Variants in PPP3CA observed in about 807,000 individuals in gnomAD.
The protein encoded by PPP3CA is protein phosphatase 3 catalytic subunit alpha, also known as CAM-PRP catalytic subunit.
A neutral mutation model predicts 66.5 loss-of-function variants in PPP3CA; 14 were observed. The observed-to-expected ratio is 0.21, with a 90% CI of 0.14 to 0.33. The LOEUF is 0.33. PPP3CA is among the 10% of genes least tolerant of loss of function. PPP3CA has a pLI of 1.00. For synonymous variants in PPP3CA, 232 were observed against 226.2 expected (o/e 1.03, Z -0.23); for missense variants, 317 against 639.5 (o/e 0.50, Z 5.44).
intron 1 of PPP3CA, 95 bp from the exon 2 acceptor site, chr4:101,196,211 A>AT: frequency 9.0e-7 from 1 of 1,112,830 alleles, no homozygotes; most frequent in Non-Finnish European, 1.3e-6. Flanking sequence ...TCACAAACCA[A>AT]CTAATATAAT....
intron 1 of PPP3CA, among the ~76,000 whole-genome samples, chr4:101,309,955 C>T (rs1218737509): frequency 2.0e-5 from 3 of 152,114 alleles, no homozygotes; most frequent in Non-Finnish European, 4.4e-5. Flanking sequence ...ATTCCGTGTC[C>T]TAGAAAGCTT....
At chr4:101,243,635 T>C (rs543842302) in intron 1 of PPP3CA, among the ~76,000 whole-genome samples, 19 of 152,330 alleles carry the variant, frequency 1.2e-4, no homozygotes, top group Non-Finnish European at 2.1e-4. Flanking sequence ...TATCCACAGG[T>C]TACATGCAAA....
intron 9 of PPP3CA, among the ~76,000 whole-genome samples, chr4:101,061,568 T>C (rs1194258128): frequency 6.6e-6 from 1 of 152,150 alleles, no homozygotes; most frequent in Non-Finnish European, 1.5e-5. Context: ...CTTATATTTT[T>C]AATCACCTAG....
At chr4:101,053,712 C>T (rs1728105906) in intron 10 of PPP3CA, among the ~76,000 whole-genome samples, 1 of 152,002 alleles carries the variant, frequency 6.6e-6, no homozygotes, top group Non-Finnish European at 1.5e-5. Flanking sequence ...TGACTTTTTC[C>T]ATAAATGTTA....
intron 1 of PPP3CA, among the ~76,000 whole-genome samples, chr4:101,322,017 A>G (rs1001178325): frequency 2.6e-5 from 4 of 152,154 alleles, no homozygotes; most frequent in South Asian, 2.1e-4. Context: ...GTCCTTTAAC[A>G]CTTCTGCCCC....
intron 2 of PPP3CA, among the ~76,000 whole-genome samples, chr4:101,116,993 C>G (rs1721856385): frequency 6.6e-6 from 1 of 151,282 alleles, no homozygotes; most frequent in South Asian, 2.1e-4. Flanking sequence ...TATGAAATTG[C>G]AAGGATTTTA....
At chr4:101,176,899 C>T (rs1214583260) in intron 2 of PPP3CA, among the ~76,000 whole-genome samples, 2 of 152,208 alleles carry the variant, frequency 1.3e-5, no homozygotes, top group East Asian at 1.9e-4. Context: ...AATCCATTCC[C>T]TTTTCACCAT....
intron 8 of PPP3CA, among the ~76,000 whole-genome samples, chr4:101,075,029 C>T (rs914588717): frequency 4.6e-5 from 7 of 152,158 alleles, no homozygotes; most frequent in South Asian, 2.1e-4. Flanking sequence ...AGAGAGCTTG[C>T]GCAGGGGAAC....
At chr4:101,272,956 G>A (rs115237695) in intron 1 of PPP3CA, among the ~76,000 whole-genome samples, 1,941 of 152,298 alleles carry the variant, frequency 0.013, 32 homozygotes, top group African/African-American at 0.043. Flanking sequence ...ACTAAAGCAG[G>A]AAGGGAGCAG....
chr4:101,334,914 C>G (rs546716020), intron 1 of PPP3CA, among the ~76,000 whole-genome samples: 1 of 152,202 alleles, frequency 6.6e-6, no homozygotes, highest in South Asian at 2.1e-4. Flanking sequence ...CAGGGAAATA[C>G]ACACATATGT....
At chr4:101,334,528 T>C (rs906722947) in intron 1 of PPP3CA, among the ~76,000 whole-genome samples, 2 of 152,188 alleles carry the variant, frequency 1.3e-5, no homozygotes, top group African/African-American at 4.8e-5. Context: ...AGGATTTTTT[T>C]CCTAGATTCA....
At chr4:101,184,938 C>T (rs1007850345) in intron 2 of PPP3CA, among the ~76,000 whole-genome samples, 2 of 152,018 alleles carry the variant, frequency 1.3e-5, no homozygotes, top group African/African-American at 2.4e-5. Flanking sequence ...GGGGGAGCTG[C>T]GGCAGTCCCA....
At chr4:101,271,976 C>T (rs1257487518) in intron 1 of PPP3CA, among the ~76,000 whole-genome samples, 2 of 152,138 alleles carry the variant, frequency 1.3e-5, no homozygotes, top group Non-Finnish European at 2.9e-5. Context: ...AATCATTATA[C>T]TATAACAAGA....
chr4:101,343,497 T>C (rs1414227902), intron 1 of PPP3CA, among the ~76,000 whole-genome samples: 1 of 152,178 alleles, frequency 6.6e-6, no homozygotes, highest in East Asian at 1.9e-4. Flanking sequence ...GTTTGCTGTA[T>C]GTATCTTTAA....
intron 1 of PPP3CA, among the ~76,000 whole-genome samples, chr4:101,211,746 T>C (rs1217424365): frequency 6.6e-6 from 1 of 152,184 alleles, no homozygotes; most frequent in Non-Finnish European, 1.5e-5. Flanking sequence ...GTGATTTTGT[T>C]TAAAATGTGC....
intron 2 of PPP3CA, among the ~76,000 whole-genome samples, chr4:101,126,849 C>A (rs1437846414): frequency 6.6e-6 from 1 of 152,118 alleles, no homozygotes; most frequent in Non-Finnish European, 1.5e-5. Context: ...CTACAATCTA[C>A]AATGCTGTTT....
In PPP3CA at chr4:101,237,700, A is replaced by G. The variant is rs79645471; in HGVS notation, c.59-41584T>C. On this transcript the variant is annotated intron_variant, in intron 1 of 13. Transcript: ENST00000394854. ...TTCTTGAACGAACAGAGCATATCTG[A>G]TTTTGTTTAGCATGGTGTCCCCAGC... 2.3e-3 allele frequency among the ~76,000 whole-genome samples: 350 copies of G among 152,138 alleles called. 1 individual carries two copies. The Middle Eastern group carries it at 0.037, about 16-fold the overall frequency.
intron 1 of PPP3CA, among the ~76,000 whole-genome samples, chr4:101,282,480 C>T (rs760652355): frequency 2.0e-5 from 3 of 152,150 alleles, no homozygotes; most frequent in East Asian, 1.9e-4. Context: ...TAAATGACAG[C>T]GCAGTCAGCA....
At chr4:101,051,496 T>C (rs1170103603) in intron 10 of PPP3CA, among the ~76,000 whole-genome samples, 1 of 152,102 alleles carries the variant, frequency 6.6e-6, no homozygotes, top group Non-Finnish European at 1.5e-5. Context: ...GTTTGAAAAA[T>C]AAAGTTTATT....
Sources: gnomAD v4.1 joint callset for allele counts (sites outside exome capture counted in the v4.1 genomes callset) on GRCh38, gnomAD v4.1.1 for gene constraint, MANE v1.5 for transcripts, NCBI Gene and HGNC (gene_info 2026-07-23, HGNC 2026-07-21) for gene names.